The following IL26 variants were observed in gnomAD, a reference collection of about 807,000 sequenced individuals.
IL26 encodes the protein interleukin 26.
In IL26, 23 loss-of-function variants were observed where a neutral mutation model predicts 21.7. The observed-to-expected ratio is 1.06, with a 90% CI of 0.76 to 1.50. The LOEUF is 1.50. Among genes scored for constraint, IL26 ranks in the 40% most tolerant of loss-of-function variants. The pLI is 0.00. For missense variants in IL26, 204 were observed against 196.0 expected (o/e 1.04, Z -0.24); for synonymous variants, 63 against 67.8 (o/e 0.93, Z 0.34).
chr12:68,217,815 A>G (rs1868927602), intron 3 of IL26, among the ~76,000 whole-genome samples: 1 of 152,194 alleles, frequency 6.6e-6, no homozygotes, highest in Non-Finnish European at 1.5e-5. Flanking sequence ...AGAGGAGAAT[A>G]TATTAAATGA....
At chr12:68,211,497 C>T (rs761031655) in intron 3 of IL26, among the ~76,000 whole-genome samples, 5 of 152,078 alleles carry the variant, frequency 3.3e-5, no homozygotes, top group Non-Finnish European at 5.9e-5. Flanking sequence ...TTTTCCATAG[C>T]GGTTATACTA....
chr12:68,213,807 C>A (rs1046708399), intron 3 of IL26, among the ~76,000 whole-genome samples: 2 of 151,818 alleles, frequency 1.3e-5, no homozygotes, highest in Admixed American at 6.6e-5. Context: ...TTCAAAAAAA[C>A]CAATTTTTTA....
At chr12:68,223,193 C>T (rs1026677244) in intron 3 of IL26, among the ~76,000 whole-genome samples, 1 of 152,164 alleles carries the variant, frequency 6.6e-6, no homozygotes, top group Non-Finnish European at 1.5e-5. Flanking sequence ...ATAAACTGCA[C>T]AGCTTGTAAG....
rs12425713 is a variant in IL26 at position 68,208,561 on chromosome 12, C to T, written c.364-6478G>A. 2.3e-3 allele frequency among the ~76,000 whole-genome samples: 357 copies of T among 152,118 alleles called. 5 individuals are homozygous for T. The highest frequency in any genetic ancestry group is 0.021 in the Admixed American group (324 of 15,290). On this transcript the variant is annotated intron_variant, in intron 3 of 4. Coordinates refer to ENST00000229134, the MANE Select transcript of IL26 (RefSeq NM_018402.2). ...TGGCCCAGGCTGGAGTGCAGTGGCG[C>T]GCGCAATCTCAGCTCACTGCAACCT... is the stretch of plus-strand genomic sequence containing the variant.
chr12:68,225,420 A>T (rs772464463), intron 2 of IL26, 24 bp downstream of exon 2: 8 of 1,550,132 alleles, frequency 5.2e-6, no homozygotes, highest in Non-Finnish European at 7.0e-6. Context: ...GAAATGTAAA[A>T]AAGAAGAAGA....
intron 3 of IL26, among the ~76,000 whole-genome samples, chr12:68,222,801 T>C (rs1592901812): frequency 6.6e-6 from 1 of 152,192 alleles, no homozygotes; most frequent in African/African-American, 2.4e-5. Flanking sequence ...ACCTCAATAG[T>C]ACGGACGGCA....
Position 68,202,022 on chromosome 12 carries a change from TA to T in IL26, c.424del (p.Tyr142IlefsTer43). 6.4e-7 allele frequency: 1 copy of T among 1,574,322 alleles called. No individual in the cohort carries two copies. Among genetic ancestry groups the T allele is most frequent in the African/African-American group, 1.4e-5 (1 of 73,454 alleles). On this transcript the variant is annotated frameshift_variant, in exon 4 of 5. Coordinates refer to ENST00000229134, the MANE Select transcript of IL26 (RefSeq NM_018402.2). LOFTEE classifies it high-confidence loss of function. ...ATAAGGATTTAGAATTCTTACCCTA[TA>T]AAATATTCTTTTCATCCTGGTAATG... is the stretch of plus-strand genomic sequence containing the variant. ...KSITRMKRIF[Y>X]RIGNKGIYKA...
chr12:68,212,848 T>A (rs536687665), intron 3 of IL26, among the ~76,000 whole-genome samples: 3 of 152,264 alleles, frequency 2.0e-5, no homozygotes, highest in African/African-American at 7.2e-5. Flanking sequence ...AAGCATAATT[T>A]AACTTCTTCC....
At chr12:68,224,984 A>C (rs1869195526) in intron 3 of IL26, among the ~76,000 whole-genome samples, 165 bp downstream of exon 3, 1 of 152,248 alleles carries the variant, frequency 6.6e-6, no homozygotes, top group South Asian at 2.1e-4. Context: ...AGTAATGTAC[A>C]GTTATTTAAT....
intron 3 of IL26, among the ~76,000 whole-genome samples, chr12:68,202,825 A>C (rs932135152): frequency 3.3e-5 from 5 of 152,206 alleles, no homozygotes; most frequent in Admixed American, 2.6e-4. Context: ...AACTGAGGAA[A>C]GGAGAGAGAA....
intron 1 of IL26, 43 bp from the exon 2 acceptor site, chr12:68,225,543 A>G (rs1869219820): frequency 1.2e-6 from 2 of 1,607,732 alleles, no homozygotes; most frequent in African/African-American, 1.3e-5. Context: ...CAAGATTGTA[A>G]ATGTCCTTGA....
At chr12:68,217,691 T>C (rs1028576480) in intron 3 of IL26, among the ~76,000 whole-genome samples, 5 of 152,168 alleles carry the variant, frequency 3.3e-5, no homozygotes, top group African/African-American at 4.8e-5. Context: ...ATAAAGATCA[T>C]ACATCATGTG....
intron 3 of IL26, among the ~76,000 whole-genome samples, chr12:68,212,313 T>C (rs1430130222): frequency 2.0e-5 from 3 of 152,180 alleles, no homozygotes; most frequent in Non-Finnish European, 4.4e-5. Flanking sequence ...AGTCAGGTAG[T>C]GTGATGCTTC....
At position 68,221,656 on chromosome 12, in the gene IL26, C is replaced by T. The variant is rs116754933; in HGVS notation, c.363+3493G>A. On this transcript the variant is annotated intron_variant, in intron 3 of 4. Coordinates refer to ENST00000229134, the MANE Select transcript of IL26 (RefSeq NM_018402.2). ...CATAAAGTTCCATGCAAATGAACTGCAAGTGAAATAGATATTGATCATCTC... is the reference window on the plus strand; with the variant it reads ...CATAAAGTTCCATGCAAATGAACTGTAAGTGAAATAGATATTGATCATCTC... Among the ~76,000 whole-genome samples, 657 of 152,302 alleles carry T rather than the reference C, an allele frequency of 4.3e-3. 3 individuals are homozygous for T. The highest frequency in any genetic ancestry group is 0.015 in the African/African-American group (614 of 41,576).
intron 3 of IL26, among the ~76,000 whole-genome samples, chr12:68,208,080 C>T (rs2120431749): frequency 1.3e-5 from 2 of 152,258 alleles, no homozygotes; most frequent in African/African-American, 4.8e-5. Flanking sequence ...ATGAAAATCA[C>T]CCCAGGGTAC....
chr12:68,216,578 A>G (rs527588980), intron 3 of IL26, among the ~76,000 whole-genome samples: 184 of 152,348 alleles, frequency 1.2e-3, no homozygotes, highest in African/African-American at 4.3e-3. Context: ...TGATAAAAGA[A>G]TAAGACAGGA....
rs540693081 is a variant in IL26, at chr12:68,210,338, C to CAAAAAAAAAAAAAAAAAAAAAAAAAAAAA, written c.364-8284_364-8256dup. 3.2e-4 allele frequency among the ~76,000 whole-genome samples: 7 copies of CAAAAAAAAAAAAAAAAAAAAAAAAAAAAA among 22,096 alleles called. 1 individual carries two copies. Among genetic ancestry groups the CAAAAAAAAAAAAAAAAAAAAAAAAAAAAA allele is most frequent in the Non-Finnish European group, 6.1e-4 (6 of 9,866 alleles). 14.5% of individuals were successfully genotyped at this position (22,096 alleles called of 152,430 possible). ...ACTAAATAAATAAATATCAGTTTGGCAAAAAAAAAAAAAAAAAAAAAAAAA... is the reference window on the plus strand; with the variant it reads ...ACTAAATAAATAAATATCAGTTTGGCAAAAAAAAAAAAAAAAAAAAAAAAAAAAAAAAAAAAAAAAAAAAAAAAAAAAAA... On this transcript the variant is annotated intron_variant, in intron 3 of 4. Transcript: ENST00000229134.
chr12:68,201,551 C>A lies in IL26; in HGVS notation c.*294G>T. ...CATCCCACTCCACACACAAATATTA[C>A]ACGAGTTAATTCAGGTTACATACTT... On this transcript the variant is annotated 3_prime_UTR_variant, in exon 5 of 5. Coordinates refer to ENST00000229134, the MANE Select transcript of IL26 (RefSeq NM_018402.2). 2.2e-5 allele frequency: 5 copies of A among 232,542 alleles called. No individual in the cohort carries two copies. Among genetic ancestry groups the A allele is most frequent in the East Asian group, 1.0e-4 (1 of 9,892 alleles). The allele number at this position is 232,542 out of a possible 1,614,324, so 14.4% of individuals were successfully genotyped here.
chr12:68,216,674 C>A (rs559418736), intron 3 of IL26, among the ~76,000 whole-genome samples: 1 of 152,160 alleles, frequency 6.6e-6, no homozygotes, highest in African/African-American at 2.4e-5. Context: ...TATTATTTTA[C>A]AAGTTGATAA....
Sources: allele counts gnomAD v4.1 joint callset (sites outside exome capture counted in the v4.1 genomes callset), GRCh38; gene constraint gnomAD v4.1.1; transcripts MANE v1.5; gene names NCBI Gene and HGNC (gene_info 2026-07-23, HGNC 2026-07-21).